Variants in EMC10 observed in about 807,000 individuals in gnomAD.
The protein encoded by EMC10 is UPF0510 protein INM02.
In EMC10, 40 loss-of-function variants were observed where a neutral mutation model predicts 32.2. That is an observed-to-expected ratio of 1.24 (90% CI 0.96 to 1.61). The LOEUF (loss-of-function observed/expected upper bound fraction) is 1.61. EMC10 is among the 40% of genes most tolerant of loss of function. EMC10 has a pLI of 0.00. For synonymous variants in EMC10, 178 were observed against 158.4 expected (o/e 1.12, Z -0.93); for missense variants, 402 against 357.7 (o/e 1.12, Z -1.00).
In EMC10 at chr19:50,476,651, C is replaced by G. The variant is rs79269644; in HGVS notation, c.107C>G (p.Ala36Gly). 838 of 1,528,610 alleles carry G rather than the reference C, an allele frequency of 5.5e-4. 7 individuals carry two copies. The African/African-American group carries it at 0.01, about 19-fold the overall frequency. 94.7% of individuals were successfully genotyped at this position (1,528,610 alleles called of 1,614,324 possible). A position where few individuals can be genotyped will look rare whatever the true frequency, so the allele number is the denominator to read the frequency against. Residue 36 changes from alanine (A) to glycine (G), a missense_variant, in exon 1 of 7, where the codon GCG becomes GGG. Transcript: ENST00000334976. ...RGSGCRAGTG[A>G]RGAGAEGREG... ...AGCGGCTGCCGGGCCGGGACTGGTGCGCGAGGGGTGAGTGCTCTTTAGCTG... is the reference window on the plus strand; with the variant it reads ...AGCGGCTGCCGGGCCGGGACTGGTGGGCGAGGGGTGAGTGCTCTTTAGCTG...
At position 50,482,598 on chromosome 19, in the gene EMC10, CTG is replaced by C. The variant is rs2040340902; in HGVS notation, c.*340_*341del. 2.0e-6 allele frequency: 1 copy of C among 498,612 alleles called. No individual in the cohort carries two copies. Among genetic ancestry groups the C allele is most frequent in the Non-Finnish European group, 3.5e-6 (1 of 284,098 alleles). The allele number at this position is 498,612 out of a possible 1,614,324, so 30.9% of individuals were successfully genotyped here. Reference sequence around the variant, plus strand: ...TCCCCCTACCCCGAGCCCATGCAGTCTGGGAACATGCCGCCTTCTCTCCAGCC... The same window carrying C: ...TCCCCCTACCCCGAGCCCATGCAGTCGGAACATGCCGCCTTCTCTCCAGCC... On this transcript the variant is annotated 3_prime_UTR_variant, in exon 7 of 7. Transcript: ENST00000334976.
At position 50,483,403 on chromosome 19, in the gene EMC10, G is replaced by A. The variant is rs572487413; in HGVS notation, c.*1144G>A. 18 of 225,190 alleles carry A rather than the reference G, an allele frequency of 8.0e-5. No homozygotes were observed. Among genetic ancestry groups the A allele is most frequent in the Admixed American group, 4.0e-4 (7 of 17,450 alleles). 13.9% of individuals were successfully genotyped at this position (225,190 alleles called of 1,614,324 possible). A position where few individuals can be genotyped will look rare whatever the true frequency, so the allele number is the denominator to read the frequency against. On this transcript the variant is annotated 3_prime_UTR_variant, in exon 7 of 7. Coordinates refer to ENST00000334976, the MANE Select transcript of EMC10 (RefSeq NM_206538.4). ...AAATAGCACCCTAGTGAGTGCTGTC[G>A]TCCAGTCTCTCTTGGGTGTGGTTTG...
In EMC10 at chr19:50,476,510, C is replaced by G. The variant is rs757194011; in HGVS notation, c.-35C>G. ...CCGGCGTGCTCCGCGGCTCTTGGCT[C>G]ACAGCCGTCCCTTCGCTGGTGGGAA... is the stretch of plus-strand genomic sequence containing the variant. On this transcript the variant is annotated 5_prime_UTR_variant, in exon 1 of 7. Transcript: ENST00000334976. 6.4e-7 allele frequency: 1 copy of G among 1,570,188 alleles called. No homozygotes were observed. The highest frequency in any genetic ancestry group is 1.1e-5 in the South Asian group (1 of 88,198).
At position 50,483,341 on chromosome 19, in the gene EMC10, A is replaced by G. The variant is rs1023592328; in HGVS notation, c.*1082A>G. ...GGCAGTTTATTAAACTGTCCCCCAG[A>G]TCGACACGCAGCTAGCCTCCTGCAT... On this transcript the variant is annotated 3_prime_UTR_variant, in exon 7 of 7. Coordinates refer to ENST00000334976, the MANE Select transcript of EMC10 (RefSeq NM_206538.4). The G allele has an allele frequency of 3.0e-6, 1 of 332,448 alleles. No homozygotes were observed. The highest frequency in any genetic ancestry group is 6.0e-6 in the Non-Finnish European group (1 of 167,174). 20.6% of individuals were successfully genotyped at this position (332,448 alleles called of 1,614,324 possible). A position where few individuals can be genotyped will look rare whatever the true frequency, so the allele number is the denominator to read the frequency against.
intron 1 of EMC10, chr19:50,477,232 G>C (rs2040242068): frequency 2.0e-5 from 3 of 152,372 alleles, no homozygotes; most frequent in Non-Finnish European, 1.5e-5. Flanking sequence ...GTGAAACCCC[G>C]TCTCTACTAA....
In EMC10 at chr19:50,476,560, G is replaced by C. The variant is rs2040222763; in HGVS notation, c.16G>C (p.Ala6Pro). 1 of 1,574,944 alleles carries C rather than the reference G, an allele frequency of 6.3e-7. No homozygotes were observed. Among genetic ancestry groups the C allele is most frequent in the Non-Finnish European group, 8.6e-7 (1 of 1,166,100 alleles). Reference sequence around the variant, plus strand: ...AGAAGCCGAGATGGCGGCAGCCAGCGCTGGGGCAACCCGGCTGCTCCTGCT... The same window carrying C: ...AGAAGCCGAGATGGCGGCAGCCAGCCCTGGGGCAACCCGGCTGCTCCTGCT... MAAAS[A>P]GATRLLLLLL... Residue 6 changes from alanine (A) to proline (P), a missense_variant, in exon 1 of 7, where the codon GCT becomes CCT. Physicochemically the swap from Ala to Pro is conservative, Grantham distance 27 (BLOSUM62 -1). Transcript: ENST00000334976.
rs574141630 is a variant in EMC10 at position 50,483,438 on chromosome 19, G to A, written c.*1179G>A. ...TCTTGGGTGTGGTTTGAATGATCTCGGGATGCATGACTAAAATGGAATTAC... is the reference window on the plus strand; with the variant it reads ...TCTTGGGTGTGGTTTGAATGATCTCAGGATGCATGACTAAAATGGAATTAC... On this transcript the variant is annotated 3_prime_UTR_variant, in exon 7 of 7. Transcript: ENST00000334976. 6.4e-5 allele frequency: 11 copies of A among 171,760 alleles called. No homozygotes were observed. In the East Asian group the frequency reaches 1.8e-3, roughly 28 times the overall value. The allele number at this position is 171,760 out of a possible 1,614,324, so 10.6% of individuals were successfully genotyped here.
rs1978457960 is a variant in EMC10, at chr19:50,488,316, AAAG to A, written c.*6060_*6062del. 1.3e-5 allele frequency: 2 copies of A among 149,432 alleles called. No homozygotes were observed. Among genetic ancestry groups the A allele is most frequent in the Admixed American group, 1.3e-4 (2 of 14,832 alleles). 9.3% of individuals were successfully genotyped at this position (149,432 alleles called of 1,614,324 possible). ...GTCTCAAAAAAAAAAAAAAAAAAAA[AAAG>A]AAAAGATGGCCAGAGCAGGAGGGGA... On this transcript the variant is annotated 3_prime_UTR_variant, in exon 7 of 7. Transcript: ENST00000334976.
At position 50,480,127 on chromosome 19, in the gene EMC10, A is replaced by G. The variant is rs777361817; in HGVS notation, c.314A>G (p.Asn105Ser). Residue 105 changes from asparagine to serine, a missense_variant, in exon 4 of 7, where the codon AAT becomes AGT. Asn to Ser is a conservative substitution (Grantham distance 46). Coordinates refer to ENST00000334976, the MANE Select transcript of EMC10 (RefSeq NM_206538.4). The surrounding 1 kb of genome is among the most constrained non-coding windows in gnomAD (Gnocchi z 4.4). ...RGRLRDVAALNGLYRVRIPRR... is the reference protein window; with the variant it reads ...RGRLRDVAALSGLYRVRIPRR... ...CATCCCCAGGATGTGGCAGCCCTGA[A>G]TGGCCTGTACCGGGTCCGGATCCCA... 3.8e-5 allele frequency: 61 copies of G among 1,611,526 alleles called. 1 individual carries two copies. In the South Asian group the frequency reaches 6.6e-4, roughly 18 times the overall value.
chr19:50,480,258 C>A lies in EMC10; in HGVS notation c.402+43C>A. On this transcript the variant is annotated intron_variant, in intron 4 of 6. Coordinates refer to ENST00000334976, the MANE Select transcript of EMC10 (RefSeq NM_206538.4). The surrounding 1 kb of genome is among the most constrained non-coding windows in gnomAD (Gnocchi z 4.4). ...ATGAGCCCCCTTCTCCCTCGTCCTC[C>A]TCATCCCCTACCCTGGTCCTGCTTC... The A allele has an allele frequency of 6.4e-7, 1 of 1,552,482 alleles. No homozygotes were observed. Among genetic ancestry groups the A allele is most frequent in the Non-Finnish European group, 8.8e-7 (1 of 1,132,630 alleles).
chr19:50,482,413 C>G lies in EMC10; in HGVS notation c.*154C>G, dbSNP rs1289365439. ...CCTGGGCCAGCCCCTTGTCCTCTGC[C>G]TTCTGCTGGCAGAGGAGCAGCTGGA... On this transcript the variant is annotated 3_prime_UTR_variant, in exon 7 of 7. Coordinates refer to ENST00000334976, the MANE Select transcript of EMC10 (RefSeq NM_206538.4). 4 of 596,306 alleles carry G rather than the reference C, an allele frequency of 6.7e-6. No homozygotes were observed. Among genetic ancestry groups the G allele is most frequent in the Non-Finnish European group, 1.2e-5 (4 of 334,628 alleles). The allele number at this position is 596,306 out of a possible 1,614,324, so 36.9% of individuals were successfully genotyped here. A position where few individuals can be genotyped will look rare whatever the true frequency, so the allele number is the denominator to read the frequency against.
intron 2 of EMC10, 93 bp from the exon 3 acceptor site, chr19:50,478,864 C>A: frequency 2.0e-6 from 2 of 976,780 alleles, no homozygotes; most frequent in Non-Finnish European, 3.1e-6. Flanking sequence ...CGGGTGGAGG[C>A]CAGGCCAAAA....
At chr19:50,476,922 T>G (rs1601321520) in intron 1 of EMC10, 1 of 372,294 alleles carries the variant, frequency 2.7e-6, no homozygotes, top group Non-Finnish European at 4.8e-6. Context: ...GCTGGGGGTG[T>G]GGAATCTTGG....
At chr19:50,478,046 C>A in intron 2 of EMC10, 45 bp downstream of exon 2, 1 of 1,510,746 alleles carries the variant, frequency 6.6e-7, no homozygotes, top group South Asian at 1.2e-5. Context: ...CATTGGTGCC[C>A]TGAGAAGTCA....
At chr19:50,481,520 C>A in intron 6 of EMC10, 1 of 322,346 alleles carries the variant, frequency 3.1e-6, no homozygotes, top group Non-Finnish European at 5.7e-6. Context: ...GGCTTCCACC[C>A]AGGCCTCTGG....
Position 50,478,003 on chromosome 19 carries a change from T to C in EMC10, c.187+2T>C. 1 of 1,602,458 alleles carries C rather than the reference T, an allele frequency of 6.2e-7. No homozygotes were observed. Among genetic ancestry groups the C allele is most frequent in the South Asian group, 1.1e-5 (1 of 89,284 alleles). Reference sequence around the variant, plus strand: ...TGCTGGAGCACTCATTTGAGATCGGTGAGTCAGGCAACGTCCTCTCCTAGA... The same window carrying C: ...TGCTGGAGCACTCATTTGAGATCGGCGAGTCAGGCAACGTCCTCTCCTAGA... On this transcript the variant is annotated splice_donor_variant, in intron 2 of 6. Coordinates refer to ENST00000334976, the MANE Select transcript of EMC10 (RefSeq NM_206538.4). LOFTEE classifies it high-confidence loss of function.
intron 6 of EMC10, 85 bp downstream of exon 6, chr19:50,481,062 C>T: frequency 9.4e-7 from 1 of 1,060,970 alleles, no homozygotes; most frequent in Non-Finnish European, 1.4e-6. Flanking sequence ...ACCCAGACTC[C>T]CCTATGGTGC....
At position 50,480,743 on chromosome 19, in the gene EMC10, C is replaced by T. The variant is rs1297768269; in HGVS notation, c.565C>T (p.Pro189Ser). The T allele has an allele frequency of 6.3e-7, 1 of 1,595,492 alleles. No homozygotes were observed. Among genetic ancestry groups the T allele is most frequent in the Non-Finnish European group, 8.5e-7 (1 of 1,171,200 alleles). Residue 189 changes from proline (P) to serine (S), a missense_variant, in exon 5 of 7, where the codon CCG (proline) becomes TCG (serine). Transcript: ENST00000334976. The surrounding 1 kb of genome is among the most constrained non-coding windows in gnomAD (Gnocchi z 4.4). ...ELFNTSVQLQ[P>S]PTTAPGPETA... ...GTTCAACACCTCGGTGCAGCTGCAG[C>T]CGCCCACCACAGCCCCAGGGTGAGC...
rs750340672 is a variant in EMC10 at position 50,476,565 on chromosome 19, G to A, written c.21G>A (p.Gly7=). Residue 7 remains glycine (G), a synonymous_variant, in exon 1 of 7, where the codon GGG becomes GGA. Transcript: ENST00000334976. MAAASA[G]ATRLLLLLLM... ...CCGAGATGGCGGCAGCCAGCGCTGG[G>A]GCAACCCGGCTGCTCCTGCTCTTGC... 10 of 1,575,066 alleles carry A rather than the reference G, an allele frequency of 6.3e-6. No homozygotes were observed. Among genetic ancestry groups the A allele is most frequent in the Non-Finnish European group, 8.6e-6 (10 of 1,166,210 alleles).
Sources: gnomAD v4.1 joint callset for allele counts on GRCh38, gnomAD v4.1.1 for gene constraint, Gnocchi (gnomAD v3.1) non-coding constraint, MANE v1.5 for transcripts, NCBI Gene and HGNC (gene_info 2026-07-23, HGNC 2026-07-21) for gene names.